Variants in NDRG3 observed in about 807,000 individuals in gnomAD.
The protein encoded by NDRG3 is protein NDRG3.
A neutral mutation model predicts 57.2 loss-of-function variants in NDRG3; 23 were observed. The ratio of observed to expected loss-of-function variants is 0.40; its 90% CI spans 0.29 to 0.57. NDRG3 has a LOEUF of 0.57. Ranked by LOEUF, NDRG3 falls within the 20% of genes least tolerant of loss-of-function variation. NDRG3 has a pLI of 0.42. For missense variants in NDRG3, 384 were observed against 457.3 expected, an observed-to-expected ratio of 0.84 and a Z score of 1.46; for synonymous variants, 132 against 162.6, an observed-to-expected ratio of 0.81 and a Z score of 1.43.
chr20:36,671,317 C>T (rs1430249721), intron 9 of NDRG3, 24 bp downstream of exon 9: 1 of 1,598,672 alleles, frequency 6.3e-7, no homozygotes, highest in Non-Finnish European at 8.6e-7. Flanking sequence ...AAACACAGCT[C>T]TTCTGGGTGG....
intron 10 of NDRG3, among the ~76,000 whole-genome samples, chr20:36,665,978 C>T (rs955221142): frequency 3.3e-5 from 5 of 152,128 alleles, no homozygotes; most frequent in African/African-American, 1.2e-4. Flanking sequence ...TTCCTTGTAA[C>T]TGAGTTTAGC....
At chr20:36,726,077 G>A (rs1984915469) in intron 1 of NDRG3, among the ~76,000 whole-genome samples, 1 of 151,958 alleles carries the variant, frequency 6.6e-6, no homozygotes, top group Non-Finnish European at 1.5e-5. Flanking sequence ...GTGCCACCAT[G>A]CCTTGCTAAC....
chr20:36,725,597 G>A (rs1181446284), intron 1 of NDRG3, among the ~76,000 whole-genome samples: 30 of 133,510 alleles, frequency 2.2e-4, no homozygotes, highest in African/African-American at 7.1e-4. Context: ...ATGAGACTCC[G>A]TCTAAAAAAA....
chr20:36,704,943 GAATGGGGTTTTTC>G (rs1983455873), intron 3 of NDRG3, among the ~76,000 whole-genome samples: 1 of 152,124 alleles, frequency 6.6e-6, no homozygotes, highest in Non-Finnish European at 1.5e-5. Context: ...GATTCAGGAA[GAATGGGGTTTTTC>G]AATCCCAACC....
Position 36,682,564 on chromosome 20 carries a change from A to G in NDRG3, c.398T>C (p.Ile133Thr), listed in dbSNP as rs561783805. Residue 133 changes from isoleucine to threonine, a missense_variant, in exon 7 of 16, where the codon ATT (isoleucine) becomes ACT (threonine). Transcript: ENST00000349004. ...VLTHLSLKSI[I>T]GIGVGAGAYI... ...AGCTCCAGCTCCAACTCCAATTCCA[A>G]TGATGCTTTTCAGGCTGTGAATGGG... 4 of 1,614,044 alleles carry G rather than the reference A, an allele frequency of 2.5e-6. No homozygotes were observed. Among genetic ancestry groups the G allele is most frequent in the South Asian group, 1.1e-5 (1 of 91,064 alleles).
At position 36,656,413 on chromosome 20, in the gene NDRG3, T is replaced by TG. The variant is rs751182908; in HGVS notation, c.895-3dup. The TG allele has an allele frequency of 1.1e-4, 176 of 1,614,092 alleles. 2 individuals carry two copies. The highest frequency in any genetic ancestry group is 2.2e-5 in the East Asian group (1 of 44,878). The stretch of plus-strand genomic sequence containing the variant: ...GAAGGCCTCGGTGAGCTTCCCAGGC[T>TG]GGGGGGATAAAACAAGAGGGCATTA... On this transcript the variant is annotated splice_polypyrimidine_tract_variant and splice_region_variant and intron_variant, in intron 14 of 15. Coordinates refer to ENST00000349004, the MANE Select transcript of NDRG3 (RefSeq NM_032013.4).
intron 2 of NDRG3, among the ~76,000 whole-genome samples, chr20:36,714,902 C>T (rs1489038946): frequency 6.7e-6 from 1 of 149,950 alleles, no homozygotes; most frequent in Admixed American, 6.7e-5. Context: ...CATGAGCCAC[C>T]GCGCCAGGCC....
chr20:36,733,004 G>A (rs147025308), intron 1 of NDRG3, among the ~76,000 whole-genome samples: 1,934 of 151,138 alleles, frequency 0.013, 73 homozygotes, highest in Admixed American at 0.092. Context: ...AAAATTAGCC[G>A]GGTGTGATGA....
rs370854838 is a variant in NDRG3, at chr20:36,684,150, C to A, written c.383+263G>T. 2.8e-4 allele frequency among the ~76,000 whole-genome samples: 42 copies of A among 152,266 alleles called. 1 individual carries two copies. The East Asian group carries it at 4.8e-3, about 17-fold the overall frequency. On this transcript the variant is annotated intron_variant, in intron 6 of 15. Coordinates refer to ENST00000349004, the MANE Select transcript of NDRG3 (RefSeq NM_032013.4). ...AGGTAGATTTTTAAATCTTCTAGGT[C>A]TCAGCGTGTGTGCCACCTTCCTAGA...
At chr20:36,735,758 G>A (rs1985572530) in intron 1 of NDRG3, among the ~76,000 whole-genome samples, 1 of 152,086 alleles carries the variant, frequency 6.6e-6, no homozygotes, top group African/African-American at 2.4e-5. Context: ...GGAGGCTGAG[G>A]TGGGAGGATC....
intron 3 of NDRG3, chr20:36,700,531 A>C (rs778243274): frequency 5.7e-6 from 3 of 526,906 alleles, no homozygotes; most frequent in Non-Finnish European, 1.2e-5. Flanking sequence ...ACCCTGGCTA[A>C]GGAGCTGATT....
Position 36,724,938 on chromosome 20 carries a change from A to G in NDRG3, c.-48-3155T>C, listed in dbSNP as rs1426653289. On this transcript the variant is annotated intron_variant, in intron 1 of 15. Coordinates refer to ENST00000349004, the MANE Select transcript of NDRG3 (RefSeq NM_032013.4). ...AACAAGACTCTGTCTCAAAAATTTAAAAACAAAACAAAACAAAACCAGCTT... is the reference window on the plus strand; with the variant it reads ...AACAAGACTCTGTCTCAAAAATTTAGAAACAAAACAAAACAAAACCAGCTT... Among the ~76,000 whole-genome samples, 3 of 151,874 alleles carry G rather than the reference A, an allele frequency of 2.0e-5. No individual in the cohort carries two copies. In the East Asian group the frequency reaches 5.9e-4, roughly 30 times the overall value.
chr20:36,733,543 T>G (rs1361100664), intron 1 of NDRG3, among the ~76,000 whole-genome samples: 1 of 151,494 alleles, frequency 6.6e-6, no homozygotes, highest in Non-Finnish European at 1.5e-5. Context: ...GCCAACATGG[T>G]GAAACCCCGT....
chr20:36,664,718 C>A (rs114840567), intron 12 of NDRG3, among the ~76,000 whole-genome samples: 25 of 152,152 alleles, frequency 1.6e-4, no homozygotes, highest in African/African-American at 6.0e-4. Context: ...GAGGCACGGT[C>A]TCACTCTGTC....
At chr20:36,733,268 T>C (rs542219773) in intron 1 of NDRG3, among the ~76,000 whole-genome samples, 1 of 150,132 alleles carries the variant, frequency 6.7e-6, no homozygotes, top group South Asian at 2.1e-4. Flanking sequence ...TTATTGGCTT[T>C]TGAAACTGCA....
At chr20:36,712,596 T>A (rs1983989804) in intron 2 of NDRG3, among the ~76,000 whole-genome samples, 5 of 88,006 alleles carry the variant, frequency 5.7e-5, no homozygotes, top group Admixed American at 1.2e-4. Flanking sequence ...TATTTTTTTT[T>A]TTTTTTTTTT....
In NDRG3 at chr20:36,730,194, G is replaced by C. The variant is rs55687044; in HGVS notation, c.-48-8411C>G. 4.0e-5 allele frequency among the ~76,000 whole-genome samples: 6 copies of C among 150,810 alleles called. No homozygotes were observed. The South Asian group carries it at 6.3e-4, about 16-fold the overall frequency. ...CCTGGGAGGCAGAGGTTGCAGTGAG[G>C]TGAGATTGTGCCACTGCACTCCAGC... On this transcript the variant is annotated intron_variant, in intron 1 of 15. Transcript: ENST00000349004.
chr20:36,671,296 T>G (rs1233644967), intron 9 of NDRG3, 45 bp downstream of exon 9: 1 of 1,496,662 alleles, frequency 6.7e-7, no homozygotes, highest in Non-Finnish European at 9.2e-7. Context: ...AGAATTTGCA[T>G]GCAAGCCAAT....
intron 3 of NDRG3, among the ~76,000 whole-genome samples, chr20:36,697,222 C>T (rs905246247): frequency 6.6e-6 from 1 of 152,084 alleles, no homozygotes; most frequent in East Asian, 1.9e-4. Context: ...TTTTGTTTCC[C>T]TTCAAAGCTT....
Sources: gnomAD v4.1 joint callset for allele counts (sites outside exome capture counted in the v4.1 genomes callset) on GRCh38, gnomAD v4.1.1 for gene constraint, MANE v1.5 for transcripts, NCBI Gene and HGNC (gene_info 2026-07-23, HGNC 2026-07-21) for gene names.